Variants in C20orf203 observed in about 807,000 individuals in gnomAD.
C20orf203 encodes chromosome 20 open reading frame 203.
A neutral mutation model predicts 15.9 loss-of-function variants in C20orf203; 16 were observed. The observed-to-expected ratio is 1.01, with a 90% CI of 0.68 to 1.53. C20orf203 has a LOEUF of 1.53. C20orf203 is among the 40% of genes most tolerant of loss of function. C20orf203 has a pLI of 0.00. For synonymous variants in C20orf203, 98 were observed against 97.2 expected (o/e 1.01, Z -0.05); for missense variants, 263 against 247.5 (o/e 1.06, Z -0.42).
intron 1 of C20orf203, among the ~76,000 whole-genome samples, chr20:32,661,770 G>A (rs1982896754): frequency 6.6e-6 from 1 of 152,116 alleles, no homozygotes; most frequent in Non-Finnish European, 1.5e-5. Flanking sequence ...AGATCCATGG[G>A]GTTGGAGACC....
chr20:32,654,172 AT>A (rs1982704265), intron 1 of C20orf203, among the ~76,000 whole-genome samples: 1 of 152,220 alleles, frequency 6.6e-6, no homozygotes, highest in South Asian at 2.1e-4. Flanking sequence ...TACAAGATCA[AT>A]ATACAAAAAT....
chr20:32,662,495 G>A (rs2145679740), intron 1 of C20orf203, among the ~76,000 whole-genome samples: 1 of 152,256 alleles, frequency 6.6e-6, no homozygotes, highest in African/African-American at 2.4e-5. Flanking sequence ...CAGCTACTCT[G>A]GAGGCTGAGG....
chr20:32,651,317 CCAAAGTGGG>C (rs1335352221), intron 2 of C20orf203, among the ~76,000 whole-genome samples, 151 bp from the exon 3 acceptor site: 1 of 151,522 alleles, frequency 6.6e-6, no homozygotes, highest in Non-Finnish European at 1.5e-5. Context: ...CCACTACACT[CCAAAGTGGG>C]CAACAGAGCG....
Position 32,640,227 on chromosome 20 carries a change from G to A in C20orf203, c.*1299+339C>T, listed in dbSNP as rs144378849. ...GTTATCCCTAGGTGATAGGATCAAG[G>A]GCCTTACAATTCTTTTCTTTTTTTC... On this transcript the variant is annotated intron_variant, in intron 5 of 5. Transcript: ENST00000608990. Among the ~76,000 whole-genome samples, 12 of 151,984 alleles carry A rather than the reference G, an allele frequency of 7.9e-5. No individual in the cohort carries two copies. The East Asian group carries it at 2.1e-3, about 27-fold the overall frequency.
intron 1 of C20orf203, among the ~76,000 whole-genome samples, chr20:32,660,889 TA>T (rs11475789): frequency 0.48 from 72,743 of 151,910 alleles, 17,780 homozygotes; most frequent in Middle Eastern, 0.55. Context: ...AAGCCCCTTA[TA>T]AAAATCATCA....
Position 32,650,701 on chromosome 20 carries a change from C to T in C20orf203, c.316G>A (p.Glu106Lys), listed in dbSNP as rs763432239. ...TTGCTGAGCCTGAGGCCTCCAACTT[C>T]CCCCCACCCCTCCCCACCAACCCAA... Reference protein sequence around the residue: ...RIWVGGEGWGEVGGLRLSKVG... With the variant: ...RIWVGGEGWGKVGGLRLSKVG... Residue 106 changes from glutamate to lysine, a missense_variant, in exon 4 of 6, where the codon GAA becomes AAA. Transcript: ENST00000608990. 3.0e-5 allele frequency: 47 copies of T among 1,547,380 alleles called. No individual in the cohort carries two copies. Among genetic ancestry groups the T allele is most frequent in the African/African-American group, 2.7e-5 (2 of 72,964 alleles).
intron 1 of C20orf203, among the ~76,000 whole-genome samples, chr20:32,671,542 G>A (rs1443546793): frequency 6.6e-6 from 1 of 152,082 alleles, no homozygotes; most frequent in Non-Finnish European, 1.5e-5. Context: ...AAAAAAGAAA[G>A]GGAAAAAATA....
intron 1 of C20orf203, among the ~76,000 whole-genome samples, chr20:32,652,322 CAAAAAA>C (rs11483593): frequency 3.3e-4 from 6 of 18,252 alleles, no homozygotes; most frequent in East Asian, 3.1e-3. Context: ...GACTCCATCT[CAAAAAA>C]AAAAAAAAAA....
At chr20:32,669,764 G>A (rs967847586) in intron 1 of C20orf203, among the ~76,000 whole-genome samples, 1 of 152,130 alleles carries the variant, frequency 6.6e-6, no homozygotes, top group Non-Finnish European at 1.5e-5. Context: ...TCTTGAATAT[G>A]GCACCAAAAG....
chr20:32,651,707 T>C (rs1171880976), intron 2 of C20orf203, 26 bp downstream of exon 2: 1 of 152,440 alleles, frequency 6.6e-6, no homozygotes, highest in African/African-American at 2.4e-5. Flanking sequence ...GGGGGTGACC[T>C]GGCACCTAGC....
At chr20:32,659,873 T>C (rs1221104631) in intron 1 of C20orf203, among the ~76,000 whole-genome samples, 1 of 152,214 alleles carries the variant, frequency 6.6e-6, no homozygotes, top group African/African-American at 2.4e-5. Flanking sequence ...TAATAATAGA[T>C]AATAGCAATA....
chr20:32,651,418 T>C (rs1053563833), intron 2 of C20orf203, among the ~76,000 whole-genome samples: 21 of 150,866 alleles, frequency 1.4e-4, no homozygotes, highest in South Asian at 4.2e-4. Flanking sequence ...TCTTACAGGG[T>C]GGACAAGAAA....
intron 1 of C20orf203, among the ~76,000 whole-genome samples, chr20:32,662,920 T>TATAA (rs1276727778): frequency 1.4e-5 from 2 of 142,524 alleles, no homozygotes; most frequent in African/African-American, 5.3e-5. Flanking sequence ...AACAGCTAGA[T>TATAA]ATATATATAT....
intron 1 of C20orf203, among the ~76,000 whole-genome samples, chr20:32,653,160 G>A (rs1054082375): frequency 3.9e-5 from 6 of 152,058 alleles, no homozygotes; most frequent in Admixed American, 3.3e-4. Flanking sequence ...AAGGGTGGGT[G>A]GGGCAGAGAT....
Position 32,650,490 on chromosome 20 carries a change from G to A in C20orf203, c.527C>T (p.Ala176Val). The A allele has an allele frequency of 6.4e-7, 1 of 1,550,608 alleles. No individual in the cohort carries two copies. The highest frequency in any genetic ancestry group is 8.7e-7 in the Non-Finnish European group (1 of 1,146,988). The change falls in exon 4 of 6, where the codon GCA becomes GTA. Residue 176 changes from alanine (A) to valine (V), a missense_variant. Transcript: ENST00000608990. ...CLPSLPGKLP[A>V]PLISKQQFLS... The stretch of plus-strand genomic sequence containing the variant: ...AAACTGCTGCTTGCTAATTAAAGGT[G>A]CAGGCAACTTGCCTGGCAAGGATGG...
intron 4 of C20orf203, among the ~76,000 whole-genome samples, chr20:32,641,840 T>C (rs778244168): frequency 2.6e-5 from 4 of 151,174 alleles, no homozygotes; most frequent in Non-Finnish European, 5.9e-5. Flanking sequence ...GTTTCTGTTT[T>C]TGTTTTTGTT....
At chr20:32,648,090 A>G (rs1021608075) in intron 4 of C20orf203, among the ~76,000 whole-genome samples, 3 of 152,200 alleles carry the variant, frequency 2.0e-5, no homozygotes, top group African/African-American at 7.2e-5. Context: ...TACTTGCCCA[A>G]GGCCACACAG....
rs1234952512 is a variant in C20orf203, at chr20:32,640,679, A to G, written c.*1186T>C. ...GCACTCCATCCAGCCTGGGCAAAAG[A>G]GCGAGACTCTGTCTCAAAACAAAAA... On this transcript the variant is annotated 3_prime_UTR_variant, in exon 5 of 6. Coordinates refer to ENST00000608990, the MANE Select transcript of C20orf203 (RefSeq NM_182584.4). 1 of 152,254 alleles carries G rather than the reference A, an allele frequency of 6.6e-6. No homozygotes were observed. The highest frequency in any genetic ancestry group is 2.4e-5 in the African/African-American group (1 of 41,466). The allele number at this position is 152,254 out of a possible 1,614,324, so 9.4% of individuals were successfully genotyped here.
chr20:32,648,160 C>G (rs1982488418), intron 4 of C20orf203, among the ~76,000 whole-genome samples: 1 of 152,164 alleles, frequency 6.6e-6, no homozygotes. Context: ...GGTCCTTTCT[C>G]CCAGTCCAGT....
Sources: allele counts gnomAD v4.1 joint callset (sites outside exome capture counted in the v4.1 genomes callset), GRCh38; gene constraint gnomAD v4.1.1; transcripts MANE v1.5; gene names NCBI Gene and HGNC (gene_info 2026-07-23, HGNC 2026-07-21).